The following SLC4A8 variants were observed in gnomAD, a reference collection of about 807,000 sequenced individuals.
SLC4A8 encodes the protein electroneutral sodium bicarbonate exchanger 1.
A neutral mutation model predicts 125.0 loss-of-function variants in SLC4A8; 40 were observed. That is an observed-to-expected ratio of 0.32 (90% CI 0.25 to 0.42). The LOEUF (loss-of-function observed/expected upper bound fraction) is 0.42. Among genes scored for constraint, SLC4A8 ranks in the 10% least tolerant of loss-of-function variants. SLC4A8 has a pLI of 1.00. For missense variants in SLC4A8, 863 were observed against 1,355.1 expected, an observed-to-expected ratio of 0.64 and a Z score of 5.70; for synonymous variants, 456 against 476.0, an observed-to-expected ratio of 0.96 and a Z score of 0.55.
intron 16 of SLC4A8, among the ~76,000 whole-genome samples, chr12:51,481,189 A>T (rs1951017741): frequency 6.6e-6 from 1 of 152,194 alleles, no homozygotes; most frequent in Admixed American, 6.5e-5. Flanking sequence ...TACAGAGTAT[A>T]CACCCAAGTT....
At chr12:51,440,272 T>A (rs923367755) in intron 1 of SLC4A8, among the ~76,000 whole-genome samples, 1 of 152,142 alleles carries the variant, frequency 6.6e-6, no homozygotes, top group African/African-American at 2.4e-5. Context: ...CCACAAGACC[T>A]GGGCTCATGA....
Position 51,407,637 on chromosome 12 carries a change from T to C in SLC4A8, c.-112+16149T>C, listed in dbSNP as rs370385269. 1.8e-3 allele frequency among the ~76,000 whole-genome samples: 272 copies of C among 152,298 alleles called. 1 individual carries two copies. The highest frequency in any genetic ancestry group is 4.3e-3 in the African/African-American group (177 of 41,550). ...CATAGCGGGGTGTGTCTCTAAAGCATAGGCTCCTTGCTCTCCAGGAAGTAT... is the reference window on the plus strand; with the variant it reads ...CATAGCGGGGTGTGTCTCTAAAGCACAGGCTCCTTGCTCTCCAGGAAGTAT... On this transcript the variant is annotated intron_variant, in intron 1 of 24. Coordinates refer to the SLC4A8 transcript ENST00000358657.
chr12:51,451,091 A>G (rs1002372368), intron 3 of SLC4A8, 69 bp downstream of exon 3: 1 of 1,274,736 alleles, frequency 7.8e-7, no homozygotes, highest in Non-Finnish European at 1.0e-6. Flanking sequence ...GGGACATGTG[A>G]CTGACATTAG....
At chr12:51,457,269 T>G (rs1950178737) in intron 5 of SLC4A8, 82 bp from the exon 6 acceptor site, 1 of 1,211,922 alleles carries the variant, frequency 8.3e-7, no homozygotes, top group African/African-American at 1.5e-5. Flanking sequence ...CTCCATGCCC[T>G]TTACCCCACT....
At chr12:51,452,844 C>T (rs1046846559) in intron 4 of SLC4A8, among the ~76,000 whole-genome samples, 41 of 152,202 alleles carry the variant, frequency 2.7e-4, no homozygotes, top group Non-Finnish European at 8.8e-5. Context: ...AAGGACATGT[C>T]TAGGGTCCTC....
chr12:51,403,137 T>C (rs1565750821), intron 1 of SLC4A8: 1 of 217,542 alleles, frequency 4.6e-6, no homozygotes, highest in Non-Finnish European at 1.1e-5. Flanking sequence ...CTCAGAACAG[T>C]GCTCAGAACA....
chr12:51,455,693 C>T (rs1013346291), intron 5 of SLC4A8, among the ~76,000 whole-genome samples: 1 of 152,140 alleles, frequency 6.6e-6, no homozygotes, highest in Non-Finnish European at 1.5e-5. Flanking sequence ...TTCTCTATTT[C>T]AAGTATCCAA....
At chr12:51,411,210 TG>T (rs1377247797) in intron 1 of SLC4A8, among the ~76,000 whole-genome samples, 1 of 152,158 alleles carries the variant, frequency 6.6e-6, no homozygotes, top group Non-Finnish European at 1.5e-5. Flanking sequence ...TGCAATAATT[TG>T]GTTAGTTGAT....
chr12:51,475,287 G>A, intron 16 of SLC4A8, 81 bp downstream of exon 16: 1 of 1,400,568 alleles, frequency 7.1e-7, no homozygotes, highest in Non-Finnish European at 1.0e-6. Context: ...GCTGCTTATG[G>A]GGTTGATTGG....
At chr12:51,501,030 G>A (rs1474461917) in intron 22 of SLC4A8, among the ~76,000 whole-genome samples, 2 of 152,088 alleles carry the variant, frequency 1.3e-5, no homozygotes, top group African/African-American at 2.4e-5. Context: ...CGGGTTTCAC[G>A]GTGATAGCCA....
chr12:51,444,515 A>G (rs926913604), intron 2 of SLC4A8, among the ~76,000 whole-genome samples: 1 of 152,234 alleles, frequency 6.6e-6, no homozygotes, highest in Admixed American at 6.5e-5. Context: ...AGAACCATTC[A>G]AGGCATCTAT....
intron 16 of SLC4A8, 31 bp from the exon 17 acceptor site, chr12:51,485,755 CA>C: frequency 1.6e-6 from 2 of 1,285,096 alleles, no homozygotes; most frequent in Non-Finnish European, 2.3e-6. Flanking sequence ...TTTAACCTGC[CA>C]AAACATGTGT....
intron 1 of SLC4A8, among the ~76,000 whole-genome samples, chr12:51,436,531 C>T (rs1365916078): frequency 1.3e-5 from 2 of 152,146 alleles, no homozygotes; most frequent in Non-Finnish European, 2.9e-5. Flanking sequence ...ATCTTTGTCT[C>T]TTCCATCTTA....
At chr12:51,448,122 G>T (rs1849158753) in intron 2 of SLC4A8, among the ~76,000 whole-genome samples, 1 of 152,154 alleles carries the variant, frequency 6.6e-6, no homozygotes, top group South Asian at 2.1e-4. Flanking sequence ...AAGAAGAAAA[G>T]ATTAAAAAGG....
chr12:51,421,529 A>T (rs995833315), upstream of SLC4A8, among the ~76,000 whole-genome samples: 1 of 152,136 alleles, frequency 6.6e-6, no homozygotes, highest in Non-Finnish European at 1.5e-5. Flanking sequence ...GAGAGAAGTC[A>T]GATCCACCAG....
At chr12:51,443,128 T>C (rs1387719834) in intron 2 of SLC4A8, among the ~76,000 whole-genome samples, 1 of 152,118 alleles carries the variant, frequency 6.6e-6, no homozygotes, top group Non-Finnish European at 1.5e-5. Flanking sequence ...TTTGTTTTTG[T>C]TTGATTGTTT....
chr12:51,485,448 G>A (rs1037330384), intron 16 of SLC4A8, among the ~76,000 whole-genome samples: 1 of 152,214 alleles, frequency 6.6e-6, no homozygotes, highest in South Asian at 2.1e-4. Context: ...CTGCTGCTGA[G>A]GTTTTTGGCT....
At chr12:51,428,401 C>T (rs1949074014) in intron 1 of SLC4A8, among the ~76,000 whole-genome samples, 1 of 152,158 alleles carries the variant, frequency 6.6e-6, no homozygotes, top group Non-Finnish European at 1.5e-5. Context: ...GAATGAGCAG[C>T]TCTCCCGTAT....
chr12:51,397,716 C>G (rs916400257), intron 1 of SLC4A8, among the ~76,000 whole-genome samples: 2 of 144,034 alleles, frequency 1.4e-5, no homozygotes, highest in Non-Finnish European at 3.1e-5. Context: ...TTCATCAATT[C>G]TAAGGTGCAT....
Sources: allele counts gnomAD v4.1 joint callset (sites outside exome capture counted in the v4.1 genomes callset), GRCh38; gene constraint gnomAD v4.1.1; transcripts MANE v1.5; gene names NCBI Gene and HGNC (gene_info 2026-07-23, HGNC 2026-07-21).